DCC: variants seen among roughly 807,000 people sequenced by gnomAD.
DCC encodes the protein DCC netrin 1 receptor, also known as netrin receptor DCC.
Under a neutral mutation model 172.5 loss-of-function variants are expected in DCC, and 58 were observed. That is an observed-to-expected ratio of 0.34 (90% CI 0.27 to 0.42). DCC has a LOEUF of 0.42. Among genes scored for constraint, DCC ranks in the 10% least tolerant of loss-of-function variants. DCC has a pLI of 1.00. For missense variants in DCC, 1,740 were observed against 1,791.0 expected, an observed-to-expected ratio of 0.97 and a Z score of 0.51; for synonymous variants, 709 against 644.5, an observed-to-expected ratio of 1.10 and a Z score of -1.52.
chr18:52,900,145 C>A (rs2039789736), intron 2 of DCC, among the ~76,000 whole-genome samples: 1 of 152,188 alleles, frequency 6.6e-6, no homozygotes, highest in African/African-American at 2.4e-5. Context: ...AGTGAGAATT[C>A]TGTTACTGCA....
chr18:52,716,836 T>C (rs570910785), intron 1 of DCC, among the ~76,000 whole-genome samples: 51 of 152,348 alleles, frequency 3.3e-4, no homozygotes, highest in African/African-American at 1.1e-3. Flanking sequence ...GTAACCATTT[T>C]TTCATCTTGA....
chr18:52,916,290 A>T (rs975293928), intron 3 of DCC, among the ~76,000 whole-genome samples: 2 of 151,712 alleles, frequency 1.3e-5, no homozygotes, highest in Non-Finnish European at 2.9e-5. Flanking sequence ...ACACTTGGAT[A>T]CTTGTTACAC....
intron 2 of DCC, among the ~76,000 whole-genome samples, chr18:52,796,052 G>T: frequency 8.8e-6 from 1 of 113,102 alleles, no homozygotes; most frequent in Non-Finnish European, 1.9e-5. Flanking sequence ...TTTTCTATAG[G>T]TACAGTTACT....
intron 15 of DCC, among the ~76,000 whole-genome samples, chr18:53,369,521 A>G (rs773007554): frequency 6.6e-6 from 1 of 151,832 alleles, no homozygotes; most frequent in African/African-American, 2.4e-5. Flanking sequence ...AAGTACTATT[A>G]GAGTAGAAGT....
In DCC at chr18:52,345,304, C is replaced by T. The variant is rs149906976; in HGVS notation, c.91+4426C>T. The stretch of plus-strand genomic sequence containing the variant: ...CTTGGTTCTGGAAAAGTACTGTACT[C>T]CCTAAAGAGTTCTAAAGAGGAATAG... On this transcript the variant is annotated intron_variant, in intron 1 of 28. Transcript: ENST00000442544. Among the ~76,000 whole-genome samples the T allele has an allele frequency of 1.9e-3, 286 of 152,228 alleles. 1 individual carries two copies. The highest frequency in any genetic ancestry group is 6.6e-3 in the African/African-American group (275 of 41,530).
intron 1 of DCC, among the ~76,000 whole-genome samples, chr18:52,529,539 C>T (rs1342166015): frequency 6.6e-6 from 1 of 152,214 alleles, no homozygotes; most frequent in Non-Finnish European, 1.5e-5. Flanking sequence ...ATCCACCCGC[C>T]TCGGCCTCCC....
intron 2 of DCC, among the ~76,000 whole-genome samples, chr18:52,762,030 A>C (rs1436439407): frequency 6.6e-6 from 1 of 152,058 alleles, no homozygotes; most frequent in Admixed American, 6.6e-5. Flanking sequence ...GCTTATTGTG[A>C]AATGTAACTC....
intron 3 of DCC, 139 bp downstream of exon 3, chr18:52,906,467 C>A: frequency 1.1e-6 from 1 of 935,328 alleles, no homozygotes; most frequent in South Asian, 1.6e-5. Context: ...TTCTTTCTTC[C>A]TTGCCGAAGC....
chr18:53,039,661 C>G (rs1010161740), intron 5 of DCC, among the ~76,000 whole-genome samples: 2 of 151,952 alleles, frequency 1.3e-5, no homozygotes, highest in African/African-American at 2.4e-5. Context: ...GACCCTTAGG[C>G]CTCACCTCCA....
chr18:52,921,704 A>AT (rs201095917), intron 3 of DCC, among the ~76,000 whole-genome samples: 42,948 of 121,104 alleles, frequency 0.35, 6,840 homozygotes, highest in East Asian at 0.52. Context: ...CTCAAAAATA[A>AT]AAATAATAAT....
At chr18:53,387,912 A>G (rs3794920) in intron 16 of DCC, among the ~76,000 whole-genome samples, 64,553 of 152,024 alleles carry the variant, frequency 0.42, 15,460 homozygotes, top group Non-Finnish European at 0.55. Flanking sequence ...TCGCTTTTCA[A>G]TCAGAAACTG....
At chr18:52,532,682 G>A (rs1672018064) in intron 1 of DCC, among the ~76,000 whole-genome samples, 1 of 151,982 alleles carries the variant, frequency 6.6e-6, no homozygotes, top group Admixed American at 6.5e-5. Context: ...TGTCCATAGG[G>A]TACAAGAGAG....
At chr18:53,020,130 C>T (rs986217124) in intron 5 of DCC, among the ~76,000 whole-genome samples, 3 of 152,162 alleles carry the variant, frequency 2.0e-5, no homozygotes, top group African/African-American at 7.2e-5. Context: ...AGATTGTAGA[C>T]CATGTATTGC....
At chr18:53,460,881 G>A (rs1599175565) in intron 24 of DCC, among the ~76,000 whole-genome samples, 1 of 152,118 alleles carries the variant, frequency 6.6e-6, no homozygotes. Context: ...GGTTGAACTA[G>A]TTTACAGTCC....
chr18:53,180,194 T>G (rs1014314156), intron 9 of DCC, among the ~76,000 whole-genome samples: 4 of 152,206 alleles, frequency 2.6e-5, no homozygotes, highest in Admixed American at 1.3e-4. Flanking sequence ...GAGTGCACTT[T>G]CCACAGAATC....
intron 12 of DCC, among the ~76,000 whole-genome samples, chr18:53,269,876 GC>G (rs1395170837): frequency 2.6e-5 from 4 of 152,168 alleles, no homozygotes; most frequent in Admixed American, 6.6e-5. Flanking sequence ...CTAGAGGTGA[GC>G]CCCCTAGAGT....
At chr18:52,894,721 T>A (rs1173383264) in intron 2 of DCC, among the ~76,000 whole-genome samples, 2 of 151,920 alleles carry the variant, frequency 1.3e-5, no homozygotes, top group Non-Finnish European at 2.9e-5. Flanking sequence ...AAGTCTCAGT[T>A]CAAAGGCAAG....
chr18:52,960,430 TA>T (rs1266865033), intron 5 of DCC, among the ~76,000 whole-genome samples: 1 of 152,188 alleles, frequency 6.6e-6, no homozygotes, highest in Non-Finnish European at 1.5e-5. Context: ...AATGTTGCTT[TA>T]GGCCTGCTGT....
At chr18:52,976,589 C>T (rs1338101626) in intron 5 of DCC, among the ~76,000 whole-genome samples, 2 of 152,192 alleles carry the variant, frequency 1.3e-5, no homozygotes, top group Admixed American at 1.3e-4. Flanking sequence ...TCCATGACAA[C>T]ATTTAAAGCT....
Sources: gnomAD v4.1 joint callset for allele counts (sites outside exome capture counted in the v4.1 genomes callset) on GRCh38, gnomAD v4.1.1 for gene constraint, MANE v1.5 for transcripts, NCBI Gene and HGNC (gene_info 2026-07-23, HGNC 2026-07-21) for gene names.